Variants in LAMA4 observed in about 807,000 individuals in gnomAD.
LAMA4 encodes laminin subunit alpha-4.
LAMA4 carries 127 observed loss-of-function variants against 207.1 expected under a neutral mutation model. The ratio of observed to expected loss-of-function variants is 0.61; its 90% CI spans 0.53 to 0.71. The LOEUF (loss-of-function observed/expected upper bound fraction) is 0.71. Ranked by LOEUF, LAMA4 falls within the 30% of genes least tolerant of loss-of-function variation. LAMA4 has a pLI of 0.00. For missense variants in LAMA4, 2,093 were observed against 2,246.5 expected, an observed-to-expected ratio of 0.93 and a Z score of 1.38; for synonymous variants, 761 against 816.0, an observed-to-expected ratio of 0.93 and a Z score of 1.15.
intron 2 of LAMA4, among the ~76,000 whole-genome samples, chr6:112,228,975 A>G (rs1247827195): frequency 1.3e-5 from 2 of 152,198 alleles, no homozygotes; most frequent in Non-Finnish European, 2.9e-5. Flanking sequence ...GTGGTCCAGC[A>G]GATGTGCGAA....
At chr6:112,114,901 G>T in intron 36 of LAMA4, 145 bp from the exon 37 acceptor site, 1 of 694,254 alleles carries the variant, frequency 1.4e-6, no homozygotes, top group South Asian at 1.5e-5. Flanking sequence ...AAGGGTCTTT[G>T]GCAGCCTATA....
At chr6:112,159,210 A>G (rs1187598520) in intron 13 of LAMA4, among the ~76,000 whole-genome samples, 1 of 152,232 alleles carries the variant, frequency 6.6e-6, no homozygotes, top group Non-Finnish European at 1.5e-5. Flanking sequence ...CTTCATAGCA[A>G]CATATTTCAA....
rs185225209 is a variant in LAMA4 at position 112,175,685 on chromosome 6, C to T, written c.1190-205G>A. ...ATCTATTCCACGAAGGAGAAAGACA[C>T]GAGGAAACCACTCTTCTCTGCTTCC... On this transcript the variant is annotated intron_variant, in intron 10 of 38. Coordinates refer to ENST00000230538, the MANE Select transcript of LAMA4 (RefSeq NM_001105206.3). Among the ~76,000 whole-genome samples, 314 of 152,316 alleles carry T rather than the reference C, an allele frequency of 2.1e-3. 3 individuals are homozygous for T. The highest frequency in any genetic ancestry group is 6.3e-3 in the African/African-American group (262 of 41,566).
chr6:112,178,426 A>T (rs1259754242), intron 9 of LAMA4, 194 bp from the exon 10 acceptor site: 29 of 574,546 alleles, frequency 5.0e-5, no homozygotes, highest in African/African-American at 4.9e-4. Flanking sequence ...ACTTTTAAAA[A>T]ATTTTTTAAT....
chr6:112,109,498 C>T lies in LAMA4; in HGVS notation c.5411G>A (p.Ser1804Asn). The T allele has an allele frequency of 6.2e-7, 1 of 1,614,104 alleles. No individual in the cohort carries two copies. Among genetic ancestry groups the T allele is most frequent in the Non-Finnish European group, 8.5e-7 (1 of 1,179,998 alleles). Reference protein sequence around the residue: ...RHFVIDGHPVSFSKAALVSGA... With the variant: ...RHFVIDGHPVNFSKAALVSGA... ...GCTGACCAGGGCTGCTTTACTGAAG[C>T]TCACTGGGTGTCCATCAATCACAAA... is the stretch of plus-strand genomic sequence containing the variant. Residue 1804 changes from serine (S) to asparagine (N), a missense_variant, in exon 39 of 39, where the codon AGC (serine) becomes AAC (asparagine). This residue lies in a region of LAMA4 where 383 missense variants were observed against 437.8 expected (regional missense o/e 0.87). Transcript: ENST00000230538.
chr6:112,116,084 T>G lies in LAMA4; in HGVS notation c.4982-91A>C. The G allele has an allele frequency of 3.1e-6, 4 of 1,306,932 alleles. No individual in the cohort carries two copies. The South Asian group carries it at 3.7e-5, about 12-fold the overall frequency. The allele number at this position is 1,306,932 out of a possible 1,614,324, so 81.0% of individuals were successfully genotyped here. On this transcript the variant is annotated intron_variant, in intron 35 of 38. Coordinates refer to ENST00000230538, the MANE Select transcript of LAMA4 (RefSeq NM_001105206.3). ...TTGTAATTATATATATTTTTATCTG[T>G]TTTTGAAAGTTTGATGCATTTTTTA... is the stretch of plus-strand genomic sequence containing the variant.
intron 20 of LAMA4, 97 bp downstream of exon 20, chr6:112,142,022 G>A: frequency 8.2e-7 from 1 of 1,214,004 alleles, no homozygotes; most frequent in South Asian, 1.2e-5. Flanking sequence ...AATGGGCATT[G>A]TTTTGGTTTG....
chr6:112,141,313 C>T, intron 21 of LAMA4, 45 bp downstream of exon 21: 3 of 1,586,922 alleles, frequency 1.9e-6, no homozygotes, highest in South Asian at 1.1e-5. Context: ...CAACAGGTTT[C>T]TTGTGATATG....
At chr6:112,152,084 T>C (rs1554335887) in intron 16 of LAMA4, among the ~76,000 whole-genome samples, 1 of 152,128 alleles carries the variant, frequency 6.6e-6, no homozygotes, top group Non-Finnish European at 1.5e-5. Context: ...CATCTCTTTT[T>C]GTGAGAGAAT....
chr6:112,191,211 G>A (rs1369443919), intron 6 of LAMA4, among the ~76,000 whole-genome samples: 4 of 151,748 alleles, frequency 2.6e-5, no homozygotes, highest in Non-Finnish European at 4.4e-5. Context: ...CAAACTCCTG[G>A]CCTCAAGCCA....
At chr6:112,182,754 G>A (rs529183249) in intron 9 of LAMA4, among the ~76,000 whole-genome samples, 4 of 152,280 alleles carry the variant, frequency 2.6e-5, no homozygotes, top group Non-Finnish European at 4.4e-5. Flanking sequence ...CTGAGATTGG[G>A]AGAGGGCCAC....
At position 112,253,827 on chromosome 6, in the gene LAMA4, C is replaced by CCTAG. The variant is rs1421302943; in HGVS notation, c.195+125_195+128dup. 5 of 1,614,124 alleles carry CCTAG rather than the reference C, an allele frequency of 3.1e-6. No individual in the cohort carries two copies. In the African/African-American group the frequency reaches 5.3e-5, roughly 17 times the overall value. On this transcript the variant is annotated intron_variant, in intron 2 of 38. Coordinates refer to ENST00000230538, the MANE Select transcript of LAMA4 (RefSeq NM_001105206.3). ...TCTTTATTTCAAGTTTCCGAACTGA[C>CCTAG]CTAGCCCAGGTGAAACTCTCAAGGC...
At chr6:112,145,268 G>A (rs566727380) in intron 18 of LAMA4, among the ~76,000 whole-genome samples, 27 of 152,346 alleles carry the variant, frequency 1.8e-4, no homozygotes, top group Middle Eastern at 6.8e-3. Context: ...CACAGGATGC[G>A]TGCTCTTGCG....
intron 5 of LAMA4, among the ~76,000 whole-genome samples, chr6:112,198,965 G>T (rs1264516761): frequency 4.6e-5 from 7 of 152,196 alleles, no homozygotes; most frequent in Non-Finnish European, 7.4e-5. Flanking sequence ...ACTTGCCCGG[G>T]TGGGTCACAA....
At chr6:112,177,012 A>AT (rs1554343998) in intron 10 of LAMA4, among the ~76,000 whole-genome samples, 1 of 152,202 alleles carries the variant, frequency 6.6e-6, no homozygotes, top group Non-Finnish European at 1.5e-5. Context: ...GGGTCCTGGC[A>AT]TTTGCTGCCT....
intron 35 of LAMA4, 58 bp from the exon 36 acceptor site, chr6:112,116,051 G>A: frequency 6.7e-7 from 1 of 1,487,376 alleles, no homozygotes. Flanking sequence ...TGTAACTATG[G>A]TGTGATTTTG....
At chr6:112,249,879 GAAT>G (rs1787304430) in intron 2 of LAMA4, among the ~76,000 whole-genome samples, 1 of 152,188 alleles carries the variant, frequency 6.6e-6, no homozygotes, top group Non-Finnish European at 1.5e-5. Context: ...TCTAGCACAG[GAAT>G]AATACTTTTT....
chr6:112,135,892 G>A (rs1437254169), intron 25 of LAMA4: 5 of 456,898 alleles, frequency 1.1e-5, no homozygotes, highest in African/African-American at 4.0e-5. Context: ...CAATTAAAAG[G>A]AATCTTTCAG....
chr6:112,210,946 T>C (rs28626019), intron 3 of LAMA4, among the ~76,000 whole-genome samples: 1 of 152,226 alleles, frequency 6.6e-6, no homozygotes, highest in East Asian at 1.9e-4. Context: ...CCGTAAATAT[T>C]GGTATATATA....
Sources: gnomAD v4.1 joint callset for allele counts (sites outside exome capture counted in the v4.1 genomes callset) on GRCh38, gnomAD v4.1.1 for gene constraint, gnomAD v4.1.1 regional missense constraint, MANE v1.5 for transcripts, NCBI Gene and HGNC (gene_info 2026-07-23, HGNC 2026-07-21) for gene names.